Variants in PKNOX2 observed in about 807,000 individuals in gnomAD.
The protein encoded by PKNOX2 is homeobox protein PKNOX2.
PKNOX2 carries 14 observed loss-of-function variants against 53.1 expected under a neutral mutation model. That is an observed-to-expected ratio of 0.26 (90% CI 0.17 to 0.41). The LOEUF (loss-of-function observed/expected upper bound fraction) is 0.41, where lower values mean the gene tolerates loss of function less well. PKNOX2 is among the 10% of genes least tolerant of loss of function. The probability of loss-of-function intolerance (pLI) is 1.00; values close to 1 mark genes in which losing one functional copy is unlikely to be tolerated. For missense variants in PKNOX2, 496 were observed against 602.8 expected (o/e 0.82, Z 1.85); for synonymous variants, 257 against 242.8 (o/e 1.06, Z -0.54).
intron 2 of PKNOX2, among the ~76,000 whole-genome samples, chr11:125,284,044 A>G (rs1257034899): frequency 1.3e-5 from 2 of 152,200 alleles, no homozygotes; most frequent in African/African-American, 2.4e-5. Flanking sequence ...ACCTCAGGCA[A>G]ATGATGTAAC....
chr11:125,234,293 T>C (rs1262473709), intron 1 of PKNOX2, among the ~76,000 whole-genome samples: 1 of 152,218 alleles, frequency 6.6e-6, no homozygotes, highest in East Asian at 1.9e-4. Flanking sequence ...ATATGGGTGA[T>C]CTCTCTTCCC....
chr11:125,367,825 TC>T lies in PKNOX2; in HGVS notation c.88-17del. ...ACCCTGGCCATGCTAACCCACCACC[TC>T]CCCTTTCTTCTCTCTGCAGATGACG... On this transcript the variant is annotated intron_variant, in intron 4 of 12. Transcript: ENST00000298282. 1 of 1,603,612 alleles carries T rather than the reference TC, an allele frequency of 6.2e-7. No homozygotes were observed. The highest frequency in any genetic ancestry group is 8.5e-7 in the Non-Finnish European group (1 of 1,175,154).
intron 2 of PKNOX2, among the ~76,000 whole-genome samples, chr11:125,241,135 A>G (rs2135598559): frequency 6.6e-6 from 1 of 152,222 alleles, no homozygotes; most frequent in Admixed American, 6.5e-5. Context: ...TTCACGGTTC[A>G]ACCCTGGTCT....
intron 7 of PKNOX2, among the ~76,000 whole-genome samples, chr11:125,404,073 G>A (rs1565517653): frequency 1.3e-5 from 2 of 152,104 alleles, no homozygotes; most frequent in Non-Finnish European, 2.9e-5. Flanking sequence ...CAGTGGCTAA[G>A]CATCCTGAGG....
intron 2 of PKNOX2, among the ~76,000 whole-genome samples, chr11:125,247,613 A>G (rs780365886): frequency 2.0e-5 from 3 of 152,048 alleles, no homozygotes; most frequent in Non-Finnish European, 4.4e-5. Flanking sequence ...TTGTTGGACA[A>G]CTTCAGCAGC....
intron 4 of PKNOX2, among the ~76,000 whole-genome samples, chr11:125,360,118 C>A (rs184467838): frequency 6.6e-6 from 1 of 150,546 alleles, no homozygotes; most frequent in Admixed American, 6.6e-5. Context: ...TGCACTCCAG[C>A]CTGGGCAACA....
intron 2 of PKNOX2, among the ~76,000 whole-genome samples, chr11:125,295,785 C>A (rs1947619876): frequency 6.6e-6 from 1 of 152,196 alleles, no homozygotes; most frequent in South Asian, 2.1e-4. Context: ...CATAGCCTTT[C>A]TCGTCTGTAT....
intron 2 of PKNOX2, among the ~76,000 whole-genome samples, chr11:125,317,109 C>A (rs1375338272): frequency 6.6e-6 from 1 of 152,192 alleles, no homozygotes; most frequent in Non-Finnish European, 1.5e-5. Context: ...GAAGCAATTT[C>A]TTATTCATTC....
chr11:125,332,034 A>T (rs565096483), intron 3 of PKNOX2, 109 bp downstream of exon 3: 1 of 152,316 alleles, frequency 6.6e-6, no homozygotes, highest in African/African-American at 2.4e-5. Context: ...GACACTTAAC[A>T]TGAACGACCT....
chr11:125,342,942 TCC>T (rs1435484668), intron 3 of PKNOX2, among the ~76,000 whole-genome samples: 1 of 151,802 alleles, frequency 6.6e-6, no homozygotes, highest in East Asian at 1.9e-4. Flanking sequence ...TCCCTGGGCC[TCC>T]CCACCTCTCC....
intron 1 of PKNOX2, among the ~76,000 whole-genome samples, chr11:125,203,359 G>T (rs538093190): frequency 6.6e-6 from 1 of 152,322 alleles, no homozygotes; most frequent in African/African-American, 2.4e-5. Flanking sequence ...CCTCCTGCCT[G>T]GCCTCCCAAG....
intron 10 of PKNOX2, among the ~76,000 whole-genome samples, chr11:125,420,249 C>A (rs1195257308): frequency 6.7e-6 from 1 of 148,592 alleles, no homozygotes; most frequent in East Asian, 2.0e-4. Context: ...AAATGGGGGC[C>A]GGGCACGGTG....
chr11:125,381,175 G>A (rs113445239), intron 5 of PKNOX2, among the ~76,000 whole-genome samples: 2,619 of 152,246 alleles, frequency 0.017, 47 homozygotes, highest in African/African-American at 0.044. Flanking sequence ...CAGGCGCCCC[G>A]CTGACCATGA....
At chr11:125,323,794 G>T (rs1392139841) in intron 2 of PKNOX2, among the ~76,000 whole-genome samples, 1 of 152,144 alleles carries the variant, frequency 6.6e-6, no homozygotes, top group Non-Finnish European at 1.5e-5. Context: ...TGCTTACTGT[G>T]TGTGGCATGA....
chr11:125,219,405 T>C (rs1940895525), intron 1 of PKNOX2, among the ~76,000 whole-genome samples: 1 of 151,528 alleles, frequency 6.6e-6, no homozygotes, highest in Admixed American at 6.6e-5. Context: ...GCCATTGCAT[T>C]CTAGCCTGGG....
chr11:125,366,280 C>G (rs1952185958), intron 4 of PKNOX2, among the ~76,000 whole-genome samples: 1 of 152,192 alleles, frequency 6.6e-6, no homozygotes, highest in African/African-American at 2.4e-5. Context: ...TGTCTAGCCT[C>G]TTACCCACTG....
chr11:125,411,883 G>A lies in PKNOX2; in HGVS notation c.936+18G>A, dbSNP rs202094155. The A allele has an allele frequency of 1.1e-5, 18 of 1,613,820 alleles. No homozygotes were observed. The highest frequency in any genetic ancestry group is 1.1e-4 in the African/African-American group (8 of 75,018). ...ATCTCATGGTGAGTGTGTGTGTCTT[G>A]GGGGTGTGGAGTCCCGGCATGGGGT... is the stretch of plus-strand genomic sequence containing the variant. On this transcript the variant is annotated intron_variant, in intron 10 of 12. Coordinates refer to ENST00000298282, the MANE Select transcript of PKNOX2 (RefSeq NM_001382323.2).
Position 125,387,283 on chromosome 11 carries a change from C to T in PKNOX2, c.399+1561C>T, listed in dbSNP as rs1188733230. On this transcript the variant is annotated intron_variant, in intron 6 of 12. Transcript: ENST00000298282. ...TGGGATGGACCTGGGGGGTGGGGCC[C>T]ACTCCCTTCATTTGACACAAAAAGA... 3.3e-5 allele frequency among the ~76,000 whole-genome samples: 5 copies of T among 152,196 alleles called. No homozygotes were observed. The East Asian group carries it at 9.6e-4, about 29-fold the overall frequency.
At chr11:125,281,567 C>G (rs1946559189) in intron 2 of PKNOX2, among the ~76,000 whole-genome samples, 1 of 152,204 alleles carries the variant, frequency 6.6e-6, no homozygotes, top group Non-Finnish European at 1.5e-5. Flanking sequence ...ATAAGAGGTC[C>G]TCACAGGGTT....
Sources: gnomAD v4.1 joint callset for allele counts (sites outside exome capture counted in the v4.1 genomes callset) on GRCh38, gnomAD v4.1.1 for gene constraint, MANE v1.5 for transcripts, NCBI Gene and HGNC (gene_info 2026-07-23, HGNC 2026-07-21) for gene names.